The following TTC28 variants were observed in gnomAD, a reference collection of about 807,000 sequenced individuals.
TTC28 encodes tetratricopeptide repeat protein 28.
A neutral mutation model predicts 198.0 loss-of-function variants in TTC28; 61 were observed. That is an observed-to-expected ratio of 0.31 (90% CI 0.25 to 0.38). The LOEUF is 0.38. TTC28 is among the 10% of genes least tolerant of loss of function. The pLI is 1.00. For synonymous variants in TTC28, 1,171 were observed against 1,297.8 expected, an observed-to-expected ratio of 0.90 and a Z score of 2.10; for missense variants, 2,678 against 3,164.0, an observed-to-expected ratio of 0.85 and a Z score of 3.69.
chr22:28,096,240 T>A lies in TTC28; in HGVS notation c.3716A>T (p.Tyr1239Phe). The change falls in exon 11 of 23, where the codon TAT (tyrosine) becomes TTT (phenylalanine). Residue 1239 changes from tyrosine (Y) to phenylalanine (F), a missense_variant. Tyr to Phe is a conservative substitution (Grantham distance 22). Coordinates refer to ENST00000397906, the MANE Select transcript of TTC28 (RefSeq NM_001145418.2). ...ATACAGATAGCCTGCAGCCAGGGAATAGTAAAGCACTAGTCCCCTCTGGCC... is the reference window on the plus strand; with the variant it reads ...ATACAGATAGCCTGCAGCCAGGGAAAAGTAAAGCACTAGTCCCCTCTGGCC... ...VNGQRGLVLY[Y>F]SLAAGYLYSW... The A allele has an allele frequency of 3.9e-6, 6 of 1,551,446 alleles. No homozygotes were observed. Among genetic ancestry groups the A allele is most frequent in the Non-Finnish European group, 4.4e-6 (5 of 1,146,836 alleles).
chr22:28,398,973 G>A (rs1375212643), intron 2 of TTC28, among the ~76,000 whole-genome samples: 1 of 150,266 alleles, frequency 6.7e-6, no homozygotes, highest in Non-Finnish European at 1.5e-5. Context: ...ACTTAAACAT[G>A]GACTACAGAA....
chr22:27,993,240 C>A (rs1296575189), intron 18 of TTC28, 47 bp downstream of exon 18: 1 of 1,444,896 alleles, frequency 6.9e-7, no homozygotes, highest in Non-Finnish European at 9.1e-7. Context: ...ACTGTTCCAC[C>A]TGCTGTCAGC....
chr22:28,161,512 G>C (rs1230768252), intron 6 of TTC28, among the ~76,000 whole-genome samples: 7 of 152,120 alleles, frequency 4.6e-5, no homozygotes, highest in Non-Finnish European at 8.8e-5. Flanking sequence ...AGCTGGTCAG[G>C]GTGGCATGCA....
At chr22:27,990,858 G>A in intron 19 of TTC28, 46 bp from the exon 20 acceptor site, 1 of 1,468,072 alleles carries the variant, frequency 6.8e-7, no homozygotes, top group Admixed American at 2.0e-5. Flanking sequence ...AGAGAAAGAA[G>A]AGAGTTTAGA....
chr22:28,087,837 C>T (rs1421914394), intron 12 of TTC28, among the ~76,000 whole-genome samples: 6 of 152,072 alleles, frequency 3.9e-5, no homozygotes, highest in Non-Finnish European at 8.8e-5. Context: ...AATCAAGGTA[C>T]AAAAATCACA....
chr22:28,094,649 C>G (rs2146858727), intron 11 of TTC28, among the ~76,000 whole-genome samples: 1 of 152,198 alleles, frequency 6.6e-6, no homozygotes, highest in South Asian at 2.1e-4. Context: ...TATAATTGAC[C>G]AAGTGGAAAT....
At chr22:28,106,133 C>T (rs962553286) in intron 7 of TTC28, among the ~76,000 whole-genome samples, 2 of 152,140 alleles carry the variant, frequency 1.3e-5, no homozygotes, top group East Asian at 3.9e-4. Context: ...TTTCCACTAC[C>T]GCTTAGACTA....
chr22:28,302,756 C>A (rs896797299), intron 3 of TTC28, among the ~76,000 whole-genome samples: 6 of 152,206 alleles, frequency 3.9e-5, no homozygotes, highest in East Asian at 1.9e-4. Context: ...CTCGCTGCAA[C>A]CTCCGCCTCC....
intron 2 of TTC28, among the ~76,000 whole-genome samples, chr22:28,502,517 G>A (rs1003790722): frequency 6.6e-6 from 1 of 151,762 alleles, no homozygotes; most frequent in Admixed American, 6.6e-5. Context: ...GCATGGTGGC[G>A]GGCGTCTGTA....
At chr22:28,179,958 A>G (rs1283367044) in intron 5 of TTC28, among the ~76,000 whole-genome samples, 1 of 152,218 alleles carries the variant, frequency 6.6e-6, no homozygotes, top group Non-Finnish European at 1.5e-5. Context: ...AAACAAATTT[A>G]AGAATACCGT....
chr22:28,039,849 A>T (rs536166796), intron 12 of TTC28, among the ~76,000 whole-genome samples: 1 of 152,032 alleles, frequency 6.6e-6, no homozygotes, highest in African/African-American at 2.4e-5. Flanking sequence ...CAAGACTAAT[A>T]AAGAAGAAAA....
chr22:28,675,641 G>A (rs2051970871), intron 1 of TTC28, among the ~76,000 whole-genome samples: 2 of 151,394 alleles, frequency 1.3e-5, no homozygotes, highest in South Asian at 4.2e-4. Flanking sequence ...AGGAGGCTCA[G>A]GTGGGAGGAT....
At chr22:28,612,239 C>T (rs1255709446) in intron 2 of TTC28, among the ~76,000 whole-genome samples, 3 of 152,086 alleles carry the variant, frequency 2.0e-5, no homozygotes, top group Admixed American at 1.3e-4. Context: ...AAGGCCATTA[C>T]GAAATGGTAA....
At chr22:28,442,611 T>G (rs2047642548) in intron 2 of TTC28, among the ~76,000 whole-genome samples, 1 of 152,250 alleles carries the variant, frequency 6.6e-6, no homozygotes, top group South Asian at 2.1e-4. Flanking sequence ...TGTCGCTGTC[T>G]GCACAGGACT....
chr22:28,263,338 T>G (rs1569228060), intron 5 of TTC28, among the ~76,000 whole-genome samples: 1 of 152,150 alleles, frequency 6.6e-6, no homozygotes, highest in African/African-American at 2.4e-5. Context: ...CTCAACTTTT[T>G]AAAAACAGTA....
chr22:28,212,369 G>T (rs111938686), intron 5 of TTC28, among the ~76,000 whole-genome samples: 1 of 149,106 alleles, frequency 6.7e-6, no homozygotes, highest in Non-Finnish European at 1.5e-5. Context: ...ACAAAATTGA[G>T]AGACCGCTAG....
chr22:28,598,327 G>C (rs1255193846), intron 2 of TTC28, among the ~76,000 whole-genome samples: 1 of 151,618 alleles, frequency 6.6e-6, no homozygotes, highest in Non-Finnish European at 1.5e-5. Context: ...TGGCTAACAT[G>C]GTGAAACCCC....
intron 1 of TTC28, among the ~76,000 whole-genome samples, chr22:28,673,962 A>C (rs887012290): frequency 2.0e-5 from 3 of 152,208 alleles, no homozygotes; most frequent in African/African-American, 7.2e-5. Context: ...AAATTTAATG[A>C]AAAAATATTG....
intron 5 of TTC28, among the ~76,000 whole-genome samples, chr22:28,246,842 G>A (rs942346356): frequency 1.4e-4 from 22 of 151,954 alleles, no homozygotes; most frequent in Admixed American, 9.2e-4. Flanking sequence ...TCATAAATTC[G>A]TAAAAATAAG....
Sources: gnomAD v4.1 joint callset for allele counts (sites outside exome capture counted in the v4.1 genomes callset) on GRCh38, gnomAD v4.1.1 for gene constraint, MANE v1.5 for transcripts, NCBI Gene and HGNC (gene_info 2026-07-23, HGNC 2026-07-21) for gene names.